Variants in CORO1C observed in about 807,000 individuals in gnomAD.
CORO1C encodes coronin 1C, also known as coronin-1C.
In CORO1C, 14 loss-of-function variants were observed where a neutral mutation model predicts 51.2. The ratio of observed to expected loss-of-function variants is 0.27; its 90% CI spans 0.18 to 0.43. The LOEUF is 0.43. CORO1C is among the 20% of genes least tolerant of loss of function. The probability of loss-of-function intolerance (pLI) is 1.00; values close to 1 mark genes in which losing one functional copy is unlikely to be tolerated. For synonymous variants in CORO1C, 181 were observed against 210.5 expected, an observed-to-expected ratio of 0.86 and a Z score of 1.21; for missense variants, 417 against 607.8, an observed-to-expected ratio of 0.69 and a Z score of 3.30.
chr12:108,721,139 T>C (rs1163847647), intron 1 of CORO1C, among the ~76,000 whole-genome samples: 4 of 152,252 alleles, frequency 2.6e-5, no homozygotes, highest in African/African-American at 9.6e-5. Context: ...AGTATTAGCA[T>C]AGAAATCACT....
At chr12:108,726,276 G>A (rs948846245) in intron 1 of CORO1C, among the ~76,000 whole-genome samples, 5 of 151,898 alleles carry the variant, frequency 3.3e-5, no homozygotes, top group Non-Finnish European at 5.9e-5. Flanking sequence ...AAAATTAGCC[G>A]GGTGTAGTGG....
chr12:108,669,587 T>C (rs1375786432), intron 3 of CORO1C, among the ~76,000 whole-genome samples: 2 of 148,226 alleles, frequency 1.3e-5, no homozygotes, highest in East Asian at 2.0e-4. Flanking sequence ...CTACTAAAAC[T>C]AGGCCTTGTT....
intron 3 of CORO1C, 92 bp downstream of exon 3, chr12:108,678,180 C>T (rs769794436): frequency 5.1e-6 from 6 of 1,176,020 alleles, no homozygotes; most frequent in Admixed American, 5.2e-5. Context: ...CTTTTCAAGC[C>T]TCTATACATA....
At chr12:108,648,544 G>T in intron 10 of CORO1C, 61 bp downstream of exon 10, 1 of 1,603,906 alleles carries the variant, frequency 6.2e-7, no homozygotes. Context: ...TGGACCACAA[G>T]GGCTTTCTAG....
At position 108,645,187 on chromosome 12, in the gene CORO1C, G is replaced by A. The variant is rs1206690011; in HGVS notation, c.*2216C>T. The A allele has an allele frequency of 3.3e-5, 5 of 149,942 alleles. No homozygotes were observed. The highest frequency in any genetic ancestry group is 1.9e-4 in the East Asian group (1 of 5,138). The allele number at this position is 149,942 out of a possible 1,614,324, so 9.3% of individuals were successfully genotyped here. ...ACACTATGGCCACTCTATAAGAGCC[G>A]ACCTAGGAGTAATTCACTGTCCTCT... On this transcript the variant is annotated 3_prime_UTR_variant, in exon 11 of 11. Transcript: ENST00000261401.
intron 1 of CORO1C, among the ~76,000 whole-genome samples, chr12:108,720,769 C>T (rs1374658423): frequency 1.3e-5 from 2 of 152,148 alleles, no homozygotes; most frequent in South Asian, 2.1e-4. Context: ...GTGATCCACC[C>T]GCCTCAGCCT....
chr12:108,646,018 A>C lies in CORO1C; in HGVS notation c.*1385T>G, dbSNP rs2111212. 0.61 allele frequency: 92,943 copies of C among 152,032 alleles called. 29,251 individuals carry two copies. The highest frequency in any genetic ancestry group is 0.99 in the East Asian group (5,132 of 5,172). The allele number at this position is 152,032 out of a possible 1,614,324, so 9.4% of individuals were successfully genotyped here. On this transcript the variant is annotated 3_prime_UTR_variant, in exon 11 of 11. Transcript: ENST00000261401. ...TCTGTGCTTTGACGCAGCCTTGGTGAGAGATGGAGAGGCAGGGCAGGTTAG... is the reference window on the plus strand; with the variant it reads ...TCTGTGCTTTGACGCAGCCTTGGTGCGAGATGGAGAGGCAGGGCAGGTTAG...
chr12:108,649,064 G>A, intron 8 of CORO1C, 44 bp from the exon 9 acceptor site: 1 of 1,596,112 alleles, frequency 6.3e-7, no homozygotes, highest in East Asian at 2.2e-5. Context: ...AGTGAAATAT[G>A]AGGCTGACTA....
intron 2 of CORO1C, among the ~76,000 whole-genome samples, chr12:108,694,279 C>CAAA (rs60647143): frequency 6.9e-4 from 46 of 66,196 alleles, no homozygotes; most frequent in African/African-American, 1.3e-3. Context: ...AAGACTGTCT[C>CAAA]AAAAAAAAAA....
chr12:108,674,252 T>G (rs1019592721), intron 3 of CORO1C, among the ~76,000 whole-genome samples: 10 of 152,232 alleles, frequency 6.6e-5, no homozygotes, highest in Admixed American at 2.6e-4. Flanking sequence ...CCCTGATGGA[T>G]CTGGGCAAAG....
intron 1 of CORO1C, among the ~76,000 whole-genome samples, chr12:108,703,824 C>G (rs2034949330): frequency 6.6e-6 from 1 of 152,148 alleles, no homozygotes; most frequent in Non-Finnish European, 1.5e-5. Context: ...TCACTGACAG[C>G]CTGGTTCTAT....
chr12:108,662,222 G>A (rs1209870400), intron 3 of CORO1C, 64 bp from the exon 4 acceptor site: 1 of 1,404,870 alleles, frequency 7.1e-7, no homozygotes, highest in Non-Finnish European at 1.0e-6. Context: ...CACATTTACA[G>A]TGACCATCCA....
At chr12:108,661,185 T>C (rs1481589474) in intron 4 of CORO1C, among the ~76,000 whole-genome samples, 1 of 152,226 alleles carries the variant, frequency 6.6e-6, no homozygotes, top group East Asian at 1.9e-4. Flanking sequence ...CAAAGTTCCC[T>C]CATGCTCTCT....
intron 1 of CORO1C, among the ~76,000 whole-genome samples, chr12:108,715,151 T>C (rs1170965745): frequency 6.6e-6 from 1 of 152,054 alleles, no homozygotes; most frequent in Admixed American, 6.6e-5. Context: ...GGAAGATCCC[T>C]TGAGCCCAGG....
At chr12:108,661,117 T>A (rs1333050482) in intron 4 of CORO1C, among the ~76,000 whole-genome samples, 1 of 152,206 alleles carries the variant, frequency 6.6e-6, no homozygotes, top group African/African-American at 2.4e-5. Context: ...TTTCAACAAA[T>A]GTATAAACTC....
chr12:108,673,699 G>A (rs1368635287), intron 3 of CORO1C, among the ~76,000 whole-genome samples: 5 of 152,094 alleles, frequency 3.3e-5, no homozygotes, highest in East Asian at 3.8e-4. Flanking sequence ...TTAAGTTGAC[G>A]CCAATGCTCA....
At chr12:108,679,804 A>G (rs1245462245) in intron 2 of CORO1C, among the ~76,000 whole-genome samples, 1 of 152,256 alleles carries the variant, frequency 6.6e-6, no homozygotes, top group Non-Finnish European at 1.5e-5. Context: ...AGGTGACTTT[A>G]GACAAGTCAT....
At chr12:108,663,972 A>T (rs1181594093) in intron 3 of CORO1C, among the ~76,000 whole-genome samples, 1 of 152,250 alleles carries the variant, frequency 6.6e-6, no homozygotes, top group Non-Finnish European at 1.5e-5. Context: ...AAGGAATGAA[A>T]GACTTTATGT....
intron 6 of CORO1C, among the ~76,000 whole-genome samples, chr12:108,656,650 C>G (rs541811699): frequency 1.8e-4 from 28 of 152,338 alleles, no homozygotes; most frequent in Middle Eastern, 3.4e-3. Flanking sequence ...CAGATTGTTG[C>G]TGTGTCTGTG....
Sources: allele counts gnomAD v4.1 joint callset (sites outside exome capture counted in the v4.1 genomes callset), GRCh38; gene constraint gnomAD v4.1.1; transcripts MANE v1.5; gene names NCBI Gene and HGNC (gene_info 2026-07-23, HGNC 2026-07-21).